FNBP1: variants seen among roughly 807,000 people sequenced by gnomAD.
FNBP1 encodes the protein formin binding protein 1.
In FNBP1, 26 loss-of-function variants were observed where a neutral mutation model predicts 90.6. The observed-to-expected ratio is 0.29, with a 90% CI of 0.21 to 0.40. The LOEUF (loss-of-function observed/expected upper bound fraction) is 0.40. Among genes scored for constraint, FNBP1 ranks in the 10% least tolerant of loss-of-function variants. The pLI is 1.00. For missense variants in FNBP1, 635 were observed against 768.0 expected (o/e 0.83, Z 2.05); for synonymous variants, 260 against 265.2 (o/e 0.98, Z 0.19).
At chr9:129,892,556 G>A (rs1316767655) in intron 16 of FNBP1, among the ~76,000 whole-genome samples, 1 of 152,242 alleles carries the variant, frequency 6.6e-6, no homozygotes, top group Admixed American at 6.5e-5. Flanking sequence ...AAACAGAGTA[G>A]GCAGGAAAAG....
chr9:129,943,992 C>CAAAAAAAAAA (rs397936316), intron 6 of FNBP1, among the ~76,000 whole-genome samples: 14 of 59,890 alleles, frequency 2.3e-4, no homozygotes, highest in Non-Finnish European at 2.8e-4. Flanking sequence ...GACTCCATCT[C>CAAAAAAAAAA]AAAAAAAAAA....
chr9:130,043,231 G>T (rs576335049), upstream of FNBP1: 1 of 320,134 alleles, frequency 3.1e-6, no homozygotes, highest in East Asian at 4.7e-5. Flanking sequence ...GGAGAGCGGG[G>T]GAGGGGCGGG....
At position 130,031,698 on chromosome 9, in the gene FNBP1, G is replaced by A. The variant is rs924724701; in HGVS notation, c.24+11254C>T. ...TTTTTTTGACAGGGAGTCTCGCTCT[G>A]TTGCCCAGGCTGGAGTGCAGTGGCA... On this transcript the variant is annotated intron_variant, in intron 1 of 16. Transcript: ENST00000446176. The surrounding 1 kb of genome is among the most constrained non-coding windows in gnomAD (Gnocchi z 4.2). 6.6e-6 allele frequency among the ~76,000 whole-genome samples: 1 copy of A among 151,942 alleles called. No individual in the cohort carries two copies. Among genetic ancestry groups the A allele is most frequent in the Non-Finnish European group, 1.5e-5 (1 of 68,010 alleles).
At chr9:130,027,692 T>C (rs529357898) in intron 1 of FNBP1, among the ~76,000 whole-genome samples, 83 of 152,246 alleles carry the variant, frequency 5.5e-4, no homozygotes, top group African/African-American at 1.9e-3. Context: ...ACCCAACTGC[T>C]GGGCGTTAGA....
intron 2 of FNBP1, among the ~76,000 whole-genome samples, chr9:129,984,778 G>A (rs962373288): frequency 3.3e-5 from 5 of 152,152 alleles, no homozygotes; most frequent in Non-Finnish European, 5.9e-5. Flanking sequence ...TAGTGAATAA[G>A]TCTCACAAGA....
intron 6 of FNBP1, among the ~76,000 whole-genome samples, chr9:129,953,427 T>C (rs538756038): frequency 2.0e-5 from 3 of 151,858 alleles, no homozygotes; most frequent in Non-Finnish European, 2.9e-5. Flanking sequence ...GAGGCAGAGG[T>C]TGCAATGAGC....
chr9:130,039,499 A>AC (rs1589436815), intron 1 of FNBP1, among the ~76,000 whole-genome samples: 1 of 152,020 alleles, frequency 6.6e-6, no homozygotes, highest in African/African-American at 2.4e-5. Flanking sequence ...ACATGGTGAA[A>AC]CCCCATCTCT....
At chr9:129,994,400 C>T (rs1259691381) in intron 2 of FNBP1, among the ~76,000 whole-genome samples, 4 of 151,818 alleles carry the variant, frequency 2.6e-5, no homozygotes, top group South Asian at 2.1e-4. Flanking sequence ...GAGTGGTTAC[C>T]GCTGGGGGGA....
In FNBP1 at chr9:129,911,789, G is replaced by A. The variant is rs187097471; in HGVS notation, c.1186-2790C>T. 9.3e-4 allele frequency among the ~76,000 whole-genome samples: 142 copies of A among 152,034 alleles called. 1 individual carries two copies. The highest frequency in any genetic ancestry group is 3.4e-3 in the African/African-American group (139 of 41,482). On this transcript the variant is annotated intron_variant, in intron 11 of 16. Transcript: ENST00000446176. ...CGACTAAAGACACAAAAAATTAGCC[G>A]AGTGTGGTAGCACCCGCCTGTAGTT...
chr9:129,913,524 A>G (rs1225902007), intron 11 of FNBP1, among the ~76,000 whole-genome samples: 1 of 152,088 alleles, frequency 6.6e-6, no homozygotes, highest in Non-Finnish European at 1.5e-5. Flanking sequence ...TAATCCCAGC[A>G]CTGTGGGGGG....
intron 2 of FNBP1, among the ~76,000 whole-genome samples, chr9:129,989,343 G>A (rs1394699841): frequency 6.6e-6 from 1 of 152,138 alleles, no homozygotes; most frequent in African/African-American, 2.4e-5. Flanking sequence ...ATTGAAACTC[G>A]GCTGGCACCT....
intron 1 of FNBP1, among the ~76,000 whole-genome samples, chr9:130,014,409 G>A (rs929716991): frequency 2.0e-4 from 30 of 151,838 alleles, no homozygotes; most frequent in African/African-American, 6.8e-4. Context: ...ACGCCACCAC[G>A]CCTGGCTAAT....
rs114806293 is a variant in FNBP1 at position 129,916,936 on chromosome 9, C to T, written c.1171-956G>A. Among the ~76,000 whole-genome samples, 1,217 of 152,162 alleles carry T rather than the reference C, an allele frequency of 8.0e-3. 14 individuals carry two copies. Among genetic ancestry groups the T allele is most frequent in the African/African-American group, 0.025 (1,038 of 41,538 alleles). The stretch of plus-strand genomic sequence containing the variant: ...GAGAAGTGTGTGCCACCCCTTGCTC[C>T]GTGGAGGGTGTCTGCTGATGCTTTC... On this transcript the variant is annotated intron_variant, in intron 10 of 16. Coordinates refer to ENST00000446176, the MANE Select transcript of FNBP1 (RefSeq NM_015033.3).
intron 15 of FNBP1, among the ~76,000 whole-genome samples, chr9:129,898,275 G>T (rs574021597): frequency 1.3e-5 from 2 of 152,240 alleles, no homozygotes; most frequent in East Asian, 3.9e-4. Context: ...ATAAAACCCA[G>T]ATGTTTCCCT....
intron 6 of FNBP1, among the ~76,000 whole-genome samples, chr9:129,939,327 T>G (rs534096915): frequency 6.7e-6 from 1 of 150,266 alleles, no homozygotes; most frequent in Non-Finnish European, 1.5e-5. Flanking sequence ...AGGCAGAGGC[T>G]GCAGTGAGCC....
intron 2 of FNBP1, among the ~76,000 whole-genome samples, chr9:129,989,780 G>A (rs768594695): frequency 6.6e-6 from 1 of 152,240 alleles, no homozygotes; most frequent in Non-Finnish European, 1.5e-5. Context: ...GCTCACACCT[G>A]TAATCCCAGC....
chr9:129,914,746 CATACATATGTCTAT>C (rs1386311636), intron 11 of FNBP1, among the ~76,000 whole-genome samples: 26 of 77,530 alleles, frequency 3.4e-4, no homozygotes, highest in African/African-American at 1.1e-3. Context: ...TATGTATATA[CATACATATGTCTAT>C]ATATATATAT....
intron 1 of FNBP1, chr9:130,014,136 T>C (rs2056959130): frequency 6.7e-6 from 3 of 447,982 alleles, no homozygotes; most frequent in African/African-American, 6.0e-5. Context: ...ATATGTTCAA[T>C]GCAAAATTCT....
At chr9:129,936,828 T>A (rs1055140093) in intron 6 of FNBP1, among the ~76,000 whole-genome samples, 4 of 152,104 alleles carry the variant, frequency 2.6e-5, no homozygotes, top group African/African-American at 7.2e-5. Context: ...CTGTTGGAAA[T>A]CCCTGAAAAT....
Sources: allele counts gnomAD v4.1 joint callset (sites outside exome capture counted in the v4.1 genomes callset), GRCh38; gene constraint gnomAD v4.1.1; non-coding constraint Gnocchi (gnomAD v3.1); transcripts MANE v1.5; gene names NCBI Gene and HGNC (gene_info 2026-07-23, HGNC 2026-07-21).